DENND4C: variants seen among roughly 807,000 people sequenced by gnomAD.
DENND4C encodes DENN domain containing 4C, also known as DENN domain-containing protein 4C.
DENND4C carries 108 observed loss-of-function variants against 203.0 expected under a neutral mutation model. That is an observed-to-expected ratio of 0.53 (90% CI 0.46 to 0.62). The LOEUF is 0.62. DENND4C is among the 20% of genes least tolerant of loss of function. DENND4C has a pLI of 0.00. For synonymous variants in DENND4C, 871 were observed against 792.4 expected, an observed-to-expected ratio of 1.10 and a Z score of -1.67; for missense variants, 2,481 against 2,301.2, an observed-to-expected ratio of 1.08 and a Z score of -1.60.
rs1057202746 is a variant in DENND4C at position 19,374,248 on chromosome 9, T to TA, written c.*2083dup. ...TTTCACTTACTGACGCGCTTCCCAT[T>TA]AAAAAAAATCTGTAAAGATCTCTAC... On this transcript the variant is annotated 3_prime_UTR_variant, in exon 33 of 33. Coordinates refer to ENST00000434457, the MANE Select transcript of DENND4C (RefSeq NM_001330640.2). Among the ~76,000 whole-genome samples the TA allele has an allele frequency of 1.3e-4, 20 of 151,982 alleles. No homozygotes were observed. The highest frequency in any genetic ancestry group is 4.1e-4 in the African/African-American group (17 of 41,390).
In DENND4C at chr9:19,358,172, C is replaced by CA. The variant is rs763355173; in HGVS notation, c.5160+14dup. The CA allele has an allele frequency of 3.1e-6, 5 of 1,606,902 alleles. No individual in the cohort carries two copies. Among genetic ancestry groups the CA allele is most frequent in the Non-Finnish European group, 4.3e-6 (5 of 1,174,596 alleles). Reference sequence around the variant, plus strand: ...TGCAGGAAGTTGTGGTATGTAACAACAACAACATTGTAATTATACTGCATA... The same window carrying CA: ...TGCAGGAAGTTGTGGTATGTAACAACAAACAACATTGTAATTATACTGCATA... On this transcript the variant is annotated intron_variant, in intron 28 of 32. Transcript: ENST00000434457. The surrounding 1 kb of genome is among the most constrained non-coding windows in gnomAD (Gnocchi z 4.8).
At chr9:19,274,956 C>A (rs961821439) in intron 1 of DENND4C, among the ~76,000 whole-genome samples, 1 of 152,084 alleles carries the variant, frequency 6.6e-6, no homozygotes, top group African/African-American at 2.4e-5. Flanking sequence ...AGGAAAATAC[C>A]GTAGTCCACC....
intron 1 of DENND4C, among the ~76,000 whole-genome samples, chr9:19,242,958 TTTTTCCTTTTTAAAG>T (rs1383861133): frequency 6.6e-6 from 1 of 152,094 alleles, no homozygotes; most frequent in Non-Finnish European, 1.5e-5. Flanking sequence ...CTGGCCTAAG[TTTTTCCTTTTTAAAG>T]TTAGCTTTAT....
chr9:19,281,996 A>C (rs1834141496), intron 2 of DENND4C, among the ~76,000 whole-genome samples: 1 of 152,226 alleles, frequency 6.6e-6, no homozygotes, highest in Non-Finnish European at 1.5e-5. Flanking sequence ...TAGGTGAGTC[A>C]GTGAGTGAGT....
chr9:19,255,795 G>T (rs116431083), intron 1 of DENND4C, among the ~76,000 whole-genome samples: 4 of 152,202 alleles, frequency 2.6e-5, no homozygotes, highest in Non-Finnish European at 4.4e-5. Flanking sequence ...TGCCATTCTC[G>T]TACTAGTTGA....
At chr9:19,343,588 A>G (rs1018368296) in intron 22 of DENND4C, among the ~76,000 whole-genome samples, 14 of 152,208 alleles carry the variant, frequency 9.2e-5, no homozygotes, top group African/African-American at 3.4e-4. Flanking sequence ...CGTGACTCCG[A>G]GTTTCACTCA....
chr9:19,241,290 G>T (rs1044807344), intron 1 of DENND4C, among the ~76,000 whole-genome samples: 1 of 152,004 alleles, frequency 6.6e-6, no homozygotes, highest in Non-Finnish European at 1.5e-5. Context: ...TTTGACTCTC[G>T]TAACAACACT....
At chr9:19,266,689 T>C (rs552940892) in intron 1 of DENND4C, among the ~76,000 whole-genome samples, 2 of 152,302 alleles carry the variant, frequency 1.3e-5, no homozygotes, top group East Asian at 3.9e-4. Context: ...TACAACCATC[T>C]GATCTTTGAC....
chr9:19,316,166 A>T (rs1841813236), intron 10 of DENND4C, among the ~76,000 whole-genome samples: 2 of 152,202 alleles, frequency 1.3e-5, no homozygotes, highest in African/African-American at 2.4e-5. Flanking sequence ...TCTAGACTTC[A>T]GTGTTGTATT....
rs942385508 is a variant in DENND4C at position 19,256,322 on chromosome 9, T to G, written c.-17-19836T>G. Among the ~76,000 whole-genome samples, 13 of 140,548 alleles carry G rather than the reference T, an allele frequency of 9.2e-5. No individual in the cohort carries two copies. The East Asian group carries it at 1.1e-3, about 12-fold the overall frequency. 92.2% of individuals were successfully genotyped at this position (140,548 alleles called of 152,430 possible). A position where few individuals can be genotyped will look rare whatever the true frequency, so the allele number is the denominator to read the frequency against. ...GTTTTTTTTTTTGTTTTTTTTTTTT[T>G]TTTTGAGATGGAGTTTCGCTCTTGT... On this transcript the variant is annotated intron_variant, in intron 1 of 32. Coordinates refer to ENST00000434457, the MANE Select transcript of DENND4C (RefSeq NM_001330640.2).
At chr9:19,360,583 G>C in intron 29 of DENND4C, 94 bp downstream of exon 29, 1 of 1,489,274 alleles carries the variant, frequency 6.7e-7, no homozygotes, top group Non-Finnish European at 9.2e-7. Flanking sequence ...AGCTTAACAA[G>C]ACAGATTTAT....
chr9:19,336,903 C>T, intron 20 of DENND4C, 71 bp downstream of exon 20: 1 of 1,435,214 alleles, frequency 7.0e-7, no homozygotes, highest in Non-Finnish European at 9.4e-7. Flanking sequence ...CAAAAAGCTT[C>T]TTCCATTCTT....
At chr9:19,288,464 T>C (rs1835649519) in intron 3 of DENND4C, 132 bp from the exon 4 acceptor site, 7 of 443,354 alleles carry the variant, frequency 1.6e-5, no homozygotes, top group Middle Eastern at 1.2e-3. Context: ...TATTTTATAC[T>C]GCATAGTTCA....
chr9:19,359,678 TGAGA>T (rs751532094), intron 28 of DENND4C, among the ~76,000 whole-genome samples: 1 of 149,174 alleles, frequency 6.7e-6, no homozygotes, highest in Non-Finnish European at 1.5e-5. Context: ...TCACTGTTGA[TGAGA>T]GAGTCTTAAA....
chr9:19,332,964 C>T (rs1350376551), intron 17 of DENND4C, among the ~76,000 whole-genome samples: 5 of 150,290 alleles, frequency 3.3e-5, no homozygotes, highest in Admixed American at 2.6e-4. Context: ...GTAAGTGGCT[C>T]TCCACTTAGG....
At chr9:19,357,322 G>A (rs1265481224) in intron 27 of DENND4C, 168 bp downstream of exon 27, 2 of 586,676 alleles carry the variant, frequency 3.4e-6, no homozygotes, top group East Asian at 3.0e-5. Flanking sequence ...TGAATCTGAT[G>A]ATAAACCATT....
chr9:19,233,037 T>TAAA (rs5896836), intron 1 of DENND4C, among the ~76,000 whole-genome samples: 3 of 141,814 alleles, frequency 2.1e-5, no homozygotes, highest in Middle Eastern at 3.5e-3. Context: ...GCTGCCTGAT[T>TAAA]AAAAAAAAAA....
In DENND4C at chr9:19,238,132, G is replaced by T. The variant is rs1188137920; in HGVS notation, c.-18+7299G>T. ...AGTTTCACTCGTGTTGCCCAGGCTGGAGTGCAATGGCGTGATCTCAGCTCA... is the reference window on the plus strand; with the variant it reads ...AGTTTCACTCGTGTTGCCCAGGCTGTAGTGCAATGGCGTGATCTCAGCTCA... On this transcript the variant is annotated intron_variant, in intron 1 of 32. Coordinates refer to ENST00000434457, the MANE Select transcript of DENND4C (RefSeq NM_001330640.2). Among the ~76,000 whole-genome samples, 16 of 151,206 alleles carry T rather than the reference G, an allele frequency of 1.1e-4. 1 individual carries two copies. Among genetic ancestry groups the T allele is most frequent in the Admixed American group, 7.2e-4 (11 of 15,176 alleles).
chr9:19,276,638 A>G (rs537651220), intron 2 of DENND4C, 159 bp downstream of exon 2: 1 of 433,804 alleles, frequency 2.3e-6, no homozygotes, highest in Admixed American at 4.4e-5. Flanking sequence ...GTAATATATT[A>G]CATGCCAGTA....
Sources: allele counts gnomAD v4.1 joint callset (sites outside exome capture counted in the v4.1 genomes callset), GRCh38; gene constraint gnomAD v4.1.1; non-coding constraint Gnocchi (gnomAD v3.1); transcripts MANE v1.5; gene names NCBI Gene and HGNC (gene_info 2026-07-23, HGNC 2026-07-21).